MTMR8: variants seen among roughly 807,000 people sequenced by gnomAD.
The protein encoded by MTMR8 is myotubularin related protein 8, also known as phosphatidylinositol-3,5-bisphosphate 3-phosphatase MTMR8.
A neutral mutation model predicts 39.3 loss-of-function variants in MTMR8; 65 were observed. That is an observed-to-expected ratio of 1.65 (90% CI 1.35 to 2.03). The LOEUF (loss-of-function observed/expected upper bound fraction) is 2.03. Ranked by LOEUF, MTMR8 falls within the 30% of genes most tolerant of loss-of-function variation. The pLI is 0.00. For missense variants in MTMR8, 777 were observed against 538.9 expected (o/e 1.44, Z -4.37); for synonymous variants, 245 against 185.2 (o/e 1.32, Z -2.62).
intron 12 of MTMR8, among the ~76,000 whole-genome samples, chrX:64,311,462 A>G (rs1922296512): frequency 1.8e-5 from 2 of 111,227 alleles, no homozygotes; most frequent in Non-Finnish European, 3.8e-5. Context: ...CACTCTGATG[A>G]TAGTTTCTTT....
At chrX:64,317,610 C>A (rs1427155330) in intron 12 of MTMR8, among the ~76,000 whole-genome samples, 1 of 111,824 alleles carries the variant, frequency 8.9e-6, no homozygotes, top group African/African-American at 3.3e-5. Flanking sequence ...GCAATTGTTT[C>A]TTGAGGCATC....
intron 4 of MTMR8, among the ~76,000 whole-genome samples, chrX:64,353,874 C>A (rs1923548316): frequency 9.0e-6 from 1 of 110,853 alleles, no homozygotes; most frequent in African/African-American, 3.3e-5. Context: ...CTACACTGAG[C>A]TATGGTCATG....
intron 1 of MTMR8, among the ~76,000 whole-genome samples, chrX:64,364,744 A>G (rs1392974920): frequency 8.9e-6 from 1 of 111,993 alleles, no homozygotes; most frequent in Non-Finnish European, 1.9e-5. Context: ...CAACGGAACA[A>G]AGCTAGATGA....
chrX:64,349,751 T>C (rs1056535923), intron 5 of MTMR8, among the ~76,000 whole-genome samples, 191 bp downstream of exon 5: 2 of 111,828 alleles, frequency 1.8e-5, no homozygotes, highest in East Asian at 5.6e-4. Context: ...GCATAACATT[T>C]TACAATTTAC....
chrX:64,297,881 C>A (rs1263103081), intron 12 of MTMR8, among the ~76,000 whole-genome samples: 2 of 105,684 alleles, frequency 1.9e-5, no homozygotes, highest in Admixed American at 1.0e-4. Flanking sequence ...TGTCAAAGAT[C>A]AGATAGTTGT....
chrX:64,316,806 C>T (rs1042512317), intron 12 of MTMR8, among the ~76,000 whole-genome samples: 1 of 110,374 alleles, frequency 9.1e-6, no homozygotes. Flanking sequence ...AATTTCTCTC[C>T]TGCTGCTTTC....
At chrX:64,314,097 A>G (rs925120311) in intron 12 of MTMR8, among the ~76,000 whole-genome samples, 7 of 112,512 alleles carry the variant, frequency 6.2e-5, no homozygotes, top group Non-Finnish European at 1.1e-4. Context: ...GATGACTGCT[A>G]TCAAGCCTCT....
At chrX:64,350,391 G>A (rs1470559669) in intron 4 of MTMR8, among the ~76,000 whole-genome samples, 2 of 110,978 alleles carry the variant, frequency 1.8e-5, no homozygotes, top group Non-Finnish European at 3.8e-5. Flanking sequence ...TATTGTTTTT[G>A]CTCTGATATG....
At chrX:64,324,447 G>A (rs763458695) in intron 12 of MTMR8, among the ~76,000 whole-genome samples, 111 of 111,166 alleles carry the variant, frequency 1.0e-3, no homozygotes, top group African/African-American at 3.4e-3. Flanking sequence ...ACTTTGGGAG[G>A]CCAAGAGGGA....
intron 12 of MTMR8, among the ~76,000 whole-genome samples, chrX:64,273,976 T>A (rs1196427882): frequency 9.0e-6 from 1 of 111,487 alleles, no homozygotes; most frequent in Non-Finnish European, 1.9e-5. Context: ...CTGATGGAAC[T>A]GAAGGGAGAA....
intron 8 of MTMR8, among the ~76,000 whole-genome samples, chrX:64,341,884 A>G (rs1923228890): frequency 8.9e-6 from 1 of 112,367 alleles, no homozygotes; most frequent in Non-Finnish European, 1.9e-5. Flanking sequence ...TGAAATGTTT[A>G]CTTCTTTGAT....
Position 64,359,407 on chromosome X carries a change from A to G in MTMR8, c.145T>C (p.Trp49Arg), listed in dbSNP as rs1297493038. The change falls in exon 2 of 14, where the codon TGG (tryptophan) becomes CGG (arginine). Residue 49 changes from tryptophan (W) to arginine (R), a missense_variant and splice_region_variant. Transcript: ENST00000374852. The stretch of plus-strand genomic sequence containing the variant: ...GATACTTCTTCTCATGAACATACCC[A>G]TGTTTCTTTCCGGGCTGCACCTGAA... ...EASGAARKET[W>R]IALHHIATVE... 1 of 1,202,697 alleles carries G rather than the reference A, an allele frequency of 8.3e-7. No individual in the cohort carries two copies. Among genetic ancestry groups the G allele is most frequent in the African/African-American group, 1.7e-5 (1 of 57,522 alleles).
intron 12 of MTMR8, among the ~76,000 whole-genome samples, chrX:64,302,859 C>T (rs762374298): frequency 1.8e-5 from 2 of 112,312 alleles, no homozygotes; most frequent in African/African-American, 6.5e-5. Flanking sequence ...AGACTCCCTG[C>T]TGTGCTGCCT....
intron 1 of MTMR8, among the ~76,000 whole-genome samples, chrX:64,377,712 A>G (rs1240628896): frequency 8.9e-6 from 1 of 112,230 alleles, no homozygotes. Context: ...TAATGCTAGA[A>G]TGAGTTAAGA....
At chrX:64,355,252 G>A (rs904505945) in intron 3 of MTMR8, among the ~76,000 whole-genome samples, 12 of 112,108 alleles carry the variant, frequency 1.1e-4, no homozygotes, top group African/African-American at 3.9e-4. Context: ...TAAGAAAAGA[G>A]TCCTTACCAA....
intron 12 of MTMR8, among the ~76,000 whole-genome samples, chrX:64,291,339 C>T (rs1200962719): frequency 9.0e-6 from 1 of 111,183 alleles, no homozygotes; most frequent in East Asian, 2.8e-4. Context: ...AAAGACCCCA[C>T]ATCACTGCTG....
intron 12 of MTMR8, among the ~76,000 whole-genome samples, chrX:64,274,152 C>T (rs1350947403): frequency 9.0e-6 from 1 of 111,687 alleles, no homozygotes; most frequent in Non-Finnish European, 1.9e-5. Context: ...GTACAATACA[C>T]ATTCTTTTCA....
intron 1 of MTMR8, among the ~76,000 whole-genome samples, chrX:64,374,277 G>C (rs182557251): frequency 8.9e-6 from 1 of 111,943 alleles, no homozygotes; most frequent in African/African-American, 3.2e-5. Flanking sequence ...TCCCCTGGGA[G>C]ACACCTAGAA....
intron 12 of MTMR8, among the ~76,000 whole-genome samples, chrX:64,326,224 T>A: frequency 9.0e-6 from 1 of 111,112 alleles, no homozygotes; most frequent in Middle Eastern, 4.6e-3. Context: ...ACTCAGTGGT[T>A]GCAGAGGTGG....
Sources: allele counts gnomAD v4.1 joint callset (sites outside exome capture counted in the v4.1 genomes callset), GRCh38; gene constraint gnomAD v4.1.1; transcripts MANE v1.5; gene names NCBI Gene and HGNC (gene_info 2026-07-23, HGNC 2026-07-21).